Variants in GTF2E1 observed in about 807,000 individuals in gnomAD.
GTF2E1 encodes TFIIE alpha subunit.
GTF2E1 carries 14 observed loss-of-function variants against 34.9 expected under a neutral mutation model. That is an observed-to-expected ratio of 0.40 (90% CI 0.27 to 0.63). The LOEUF is 0.63. GTF2E1 is among the 20% of genes least tolerant of loss of function. The pLI is 0.39. For synonymous variants in GTF2E1, 188 were observed against 192.9 expected (o/e 0.97, Z 0.21); for missense variants, 469 against 557.7 (o/e 0.84, Z 1.60).
chr3:120,759,608 T>C, intron 2 of GTF2E1, among the ~76,000 whole-genome samples: 1 of 152,206 alleles, frequency 6.6e-6, no homozygotes, highest in East Asian at 1.9e-4. Flanking sequence ...CTTGAGTTAA[T>C]TTTTGTATAA....
chr3:120,779,524 T>A (rs1709429422), intron 4 of GTF2E1, among the ~76,000 whole-genome samples: 1 of 152,242 alleles, frequency 6.6e-6, no homozygotes, highest in African/African-American at 2.4e-5. Context: ...TGTTTCCCTT[T>A]CTCTCTCTTA....
At chr3:120,746,366 A>G (rs1709105300) in intron 1 of GTF2E1, among the ~76,000 whole-genome samples, 1 of 151,926 alleles carries the variant, frequency 6.6e-6, no homozygotes. Context: ...GTGCATGCCT[A>G]TAGTCCCAGC....
At chr3:120,758,215 G>A (rs1428438124) in intron 2 of GTF2E1, among the ~76,000 whole-genome samples, 1 of 152,016 alleles carries the variant, frequency 6.6e-6, no homozygotes, top group African/African-American at 2.4e-5. Context: ...ATAGTAGAGA[G>A]GTATGTAAAC....
rs971566059 is a variant in GTF2E1 at position 120,782,666 on chromosome 3, C to T, written c.*1196C>T. On this transcript the variant is annotated 3_prime_UTR_variant, in exon 5 of 5. Transcript: ENST00000283875. Reference sequence around the variant, plus strand: ...AAATTGTTTAATGAGGCCATTCCAGCAGAAATCAACAGAATAATTGATTAC... The same window carrying T: ...AAATTGTTTAATGAGGCCATTCCAGTAGAAATCAACAGAATAATTGATTAC... 6.6e-6 allele frequency: 1 copy of T among 152,170 alleles called. No homozygotes were observed. The highest frequency in any genetic ancestry group is 1.5e-5 in the Non-Finnish European group (1 of 68,034). 9.4% of individuals were successfully genotyped at this position (152,170 alleles called of 1,614,324 possible).
chr3:120,778,827 C>T (rs1230757365), intron 4 of GTF2E1, among the ~76,000 whole-genome samples: 1 of 152,276 alleles, frequency 6.6e-6, no homozygotes, highest in East Asian at 1.9e-4. Context: ...TAGCTTGGAT[C>T]ATATCTTTCA....
intron 3 of GTF2E1, among the ~76,000 whole-genome samples, chr3:120,773,903 T>A (rs1262448752): frequency 6.6e-6 from 1 of 152,200 alleles, no homozygotes; most frequent in Non-Finnish European, 1.5e-5. Context: ...AAAGACTTTT[T>A]AAAAGTACTC....
chr3:120,750,326 C>T (rs181460400), intron 1 of GTF2E1, among the ~76,000 whole-genome samples, 197 bp from the exon 2 acceptor site: 79 of 152,156 alleles, frequency 5.2e-4, no homozygotes, highest in African/African-American at 1.6e-3. Flanking sequence ...TAAAAGTAGC[C>T]ATTTAAGAAA....
intron 2 of GTF2E1, among the ~76,000 whole-genome samples, chr3:120,753,768 C>T (rs2107606345): frequency 6.6e-6 from 1 of 152,274 alleles, no homozygotes; most frequent in Admixed American, 6.5e-5. Flanking sequence ...ATTTCCTACT[C>T]CATCTCTACT....
chr3:120,754,542 CT>C, intron 2 of GTF2E1, among the ~76,000 whole-genome samples: 1 of 151,860 alleles, frequency 6.6e-6, no homozygotes, highest in Non-Finnish European at 1.5e-5. Flanking sequence ...CTTTGAATAC[CT>C]TTGTATATAT....
chr3:120,772,450 C>T (rs1709361370), intron 3 of GTF2E1, among the ~76,000 whole-genome samples: 1 of 152,146 alleles, frequency 6.6e-6, no homozygotes, highest in African/African-American at 2.4e-5. Context: ...ATCTGTATCA[C>T]AGATAGCCTT....
At chr3:120,775,513 C>G (rs560282718) in intron 3 of GTF2E1, among the ~76,000 whole-genome samples, 2 of 152,154 alleles carry the variant, frequency 1.3e-5, no homozygotes, top group South Asian at 4.1e-4. Flanking sequence ...GGCATGAGCT[C>G]AGACAGAGAA....
At chr3:120,747,780 G>A (rs1201535795) in intron 1 of GTF2E1, among the ~76,000 whole-genome samples, 1 of 152,162 alleles carries the variant, frequency 6.6e-6, no homozygotes, top group Admixed American at 6.5e-5. Context: ...GGATGGCTGG[G>A]TCAAATGGTA....
intron 3 of GTF2E1, among the ~76,000 whole-genome samples, chr3:120,775,101 G>A (rs1310494054): frequency 6.6e-6 from 1 of 152,108 alleles, no homozygotes; most frequent in Non-Finnish European, 1.5e-5. Context: ...CCTCAGCTAA[G>A]TATGAGTTAG....
At chr3:120,775,054 A>G (rs1180252858) in intron 3 of GTF2E1, among the ~76,000 whole-genome samples, 1 of 152,142 alleles carries the variant, frequency 6.6e-6, no homozygotes, top group East Asian at 1.9e-4. Context: ...TAATTTAGGG[A>G]AAGATGTGAT....
Position 120,781,536 on chromosome 3 carries a change from A to G in GTF2E1, c.*66A>G. Reference sequence around the variant, plus strand: ...AAAAAGGAATGTCTCATCTTTGAAGAAAAGTATTTAAGTGGCTTTCTGCCC... The same window carrying G: ...AAAAAGGAATGTCTCATCTTTGAAGGAAAGTATTTAAGTGGCTTTCTGCCC... On this transcript the variant is annotated 3_prime_UTR_variant, in exon 5 of 5. Transcript: ENST00000283875. 1 of 1,273,924 alleles carries G rather than the reference A, an allele frequency of 7.8e-7. No homozygotes were observed. Among genetic ancestry groups the G allele is most frequent in the Non-Finnish European group, 1.1e-6 (1 of 896,584 alleles). The allele number at this position is 1,273,924 out of a possible 1,614,324, so 78.9% of individuals were successfully genotyped here.
intron 3 of GTF2E1, among the ~76,000 whole-genome samples, chr3:120,775,311 A>G (rs1256703951): frequency 6.6e-6 from 1 of 152,166 alleles, no homozygotes; most frequent in East Asian, 1.9e-4. Context: ...AGAAAAACGG[A>G]CGAAAAATAA....
At chr3:120,780,215 A>G (rs563133692) in intron 4 of GTF2E1, among the ~76,000 whole-genome samples, 78 of 152,380 alleles carry the variant, frequency 5.1e-4, no homozygotes, top group African/African-American at 1.8e-3. Context: ...CAAGATAAAT[A>G]TCTGTTGTGG....
chr3:120,752,013 TA>T (rs982241812), intron 2 of GTF2E1, among the ~76,000 whole-genome samples: 3 of 152,102 alleles, frequency 2.0e-5, no homozygotes, highest in East Asian at 1.9e-4. Flanking sequence ...TTTAAATAAT[TA>T]AAAAAAATTT....
chr3:120,765,364 C>T (rs960133723), intron 2 of GTF2E1, among the ~76,000 whole-genome samples: 1 of 152,156 alleles, frequency 6.6e-6, no homozygotes, highest in African/African-American at 2.4e-5. Context: ...ATTTGTTTGG[C>T]AAACCTGATA....
Sources: gnomAD v4.1 joint callset for allele counts (sites outside exome capture counted in the v4.1 genomes callset) on GRCh38, gnomAD v4.1.1 for gene constraint, MANE v1.5 for transcripts, NCBI Gene and HGNC (gene_info 2026-07-23, HGNC 2026-07-21) for gene names.